Variants in DUSP22 observed in about 807,000 individuals in gnomAD.
The protein encoded by DUSP22 is dual specificity phosphatase 22.
In DUSP22, 24 loss-of-function variants were observed where a neutral mutation model predicts 24.5. The ratio of observed to expected loss-of-function variants is 0.98; its 90% confidence interval spans 0.71 to 1.38. The LOEUF (loss-of-function observed/expected upper bound fraction) is 1.38. DUSP22 is among the 40% of genes most tolerant of loss of function. The probability of loss-of-function intolerance (pLI) is 0.00; values close to 1 mark genes in which losing one functional copy is unlikely to be tolerated. For missense variants in DUSP22, 330 were observed against 269.2 expected (o/e 1.23, Z -1.58); for synonymous variants, 160 against 106.4 (o/e 1.50, Z -3.10).
At chr6:334,946 A>G (rs1360829894) in intron 3 of DUSP22, among the ~76,000 whole-genome samples, 168 bp from the exon 4 acceptor site, 1 of 152,304 alleles carries the variant, frequency 6.6e-6, no homozygotes, top group Non-Finnish European at 1.5e-5. Context: ...GAAAATAACC[A>G]GGAACTTTAA....
At chr6:294,501 G>C (rs1757238623) in intron 1 of DUSP22, among the ~76,000 whole-genome samples, 1 of 152,226 alleles carries the variant, frequency 6.6e-6, no homozygotes. Context: ...AAATAAACCG[G>C]TGAAATTAAT....
chr6:346,561 G>T (rs1759887221), intron 5 of DUSP22, among the ~76,000 whole-genome samples: 1 of 152,304 alleles, frequency 6.6e-6, no homozygotes, highest in Non-Finnish European at 1.5e-5. Flanking sequence ...AAGTGGGATG[G>T]CATTTTTATG....
chr6:300,200 C>T (rs1216047505), intron 1 of DUSP22, among the ~76,000 whole-genome samples: 2 of 152,304 alleles, frequency 1.3e-5, no homozygotes, highest in African/African-American at 4.8e-5. Context: ...TTTGGGGGCC[C>T]TGGCCTGCGT....
intron 4 of DUSP22, among the ~76,000 whole-genome samples, chr6:344,616 C>A (rs1460260401): frequency 6.6e-6 from 1 of 152,296 alleles, no homozygotes; most frequent in Non-Finnish European, 1.5e-5. Flanking sequence ...GTTTGCAGAG[C>A]ATATTGGCAT....
chr6:304,321 G>A (rs1025291513), intron 1 of DUSP22, among the ~76,000 whole-genome samples: 7 of 152,310 alleles, frequency 4.6e-5, no homozygotes, highest in South Asian at 2.1e-4. Flanking sequence ...CGCCAGGGCT[G>A]TGGGGCCAGG....
chr6:348,282 G>A lies in DUSP22; in HGVS notation c.435+8G>A. 1 of 1,614,150 alleles carries A rather than the reference G, an allele frequency of 6.2e-7. No individual in the cohort carries two copies. Among genetic ancestry groups the A allele is most frequent in the Non-Finnish European group, 8.5e-7 (1 of 1,179,966 alleles). Reference sequence around the variant, plus strand: ...AAGCATGAGGTCCATCAGGTAAGCAGTTCTTAGGGGACATCAGAGATGCAG... The same window carrying A: ...AAGCATGAGGTCCATCAGGTAAGCAATTCTTAGGGGACATCAGAGATGCAG... On this transcript the variant is annotated splice_region_variant and intron_variant, in intron 6 of 6. Coordinates refer to ENST00000419235, the MANE Select transcript of DUSP22 (RefSeq NM_001286555.3).
At chr6:348,316 C>T (rs1396511157) in intron 6 of DUSP22, 42 bp downstream of exon 6, 1 of 1,611,142 alleles carries the variant, frequency 6.2e-7, no homozygotes, top group Non-Finnish European at 8.5e-7. Context: ...AGGCAGGTGC[C>T]CCTGAACGGT....
chr6:296,312 C>T (rs1040806181), intron 1 of DUSP22, among the ~76,000 whole-genome samples: 2 of 152,292 alleles, frequency 1.3e-5, no homozygotes, highest in Non-Finnish European at 2.9e-5. Flanking sequence ...TAAGCCACAA[C>T]TCCATGAAGT....
At chr6:313,515 A>G (rs1319898679) in intron 3 of DUSP22, among the ~76,000 whole-genome samples, 1 of 152,304 alleles carries the variant, frequency 6.6e-6, no homozygotes, top group African/African-American at 2.4e-5. Context: ...TCCCGACACA[A>G]CACACTACAC....
Position 349,281 on chromosome 6 carries a change from G to A in DUSP22, c.*330G>A. The A allele has an allele frequency of 3.1e-6, 4 of 1,287,608 alleles. No homozygotes were observed. The highest frequency in any genetic ancestry group is 3.0e-6 in the Non-Finnish European group (3 of 1,009,516). The allele number at this position is 1,287,608 out of a possible 1,614,324, so 79.8% of individuals were successfully genotyped here. On this transcript the variant is annotated 3_prime_UTR_variant, in exon 7 of 7. Transcript: ENST00000419235. ...TGTGCCTGTGTGAGTGAGGGTATGT[G>A]CACCTAAGTGTGTACATGTGTGTAT...
intron 3 of DUSP22, among the ~76,000 whole-genome samples, chr6:326,610 A>AT (rs1290307779): frequency 1.3e-5 from 2 of 152,294 alleles, no homozygotes; most frequent in Admixed American, 6.5e-5. Context: ...GCAGTGCTGT[A>AT]TCTGCTGGTA....
At chr6:310,303 A>G (rs1214318223) in intron 2 of DUSP22, among the ~76,000 whole-genome samples, 1 of 152,294 alleles carries the variant, frequency 6.6e-6, no homozygotes, top group African/African-American at 2.4e-5. Context: ...ATCATTTAGG[A>G]AAGTTCAGCC....
rs2127423389 is a variant in DUSP22, at chr6:348,159, C to G, written c.320C>G (p.Thr107Ser). ...GTGATCGCATACATCATGACCGTCA[C>G]TGACTTTGGCTGGGAGGATGCCCTG... Reference protein sequence around the residue: ...TLVIAYIMTVTDFGWEDALHT... With the variant: ...TLVIAYIMTVSDFGWEDALHT... Residue 107 changes from threonine to serine, a missense_variant, in exon 6 of 7, where the codon ACT becomes AGT. Coordinates refer to ENST00000419235, the MANE Select transcript of DUSP22 (RefSeq NM_001286555.3). 6.2e-7 allele frequency: 1 copy of G among 1,614,310 alleles called. No homozygotes were observed. The highest frequency in any genetic ancestry group is 8.5e-7 in the Non-Finnish European group (1 of 1,180,060).
intron 4 of DUSP22, among the ~76,000 whole-genome samples, chr6:342,890 G>T (rs1198250748): frequency 2.0e-5 from 3 of 152,310 alleles, no homozygotes; most frequent in Admixed American, 2.0e-4. Context: ...GACATGTCTT[G>T]TCCGGTTCCA....
chr6:310,711 T>G (rs1181579398), intron 2 of DUSP22, among the ~76,000 whole-genome samples: 4 of 152,294 alleles, frequency 2.6e-5, no homozygotes, highest in African/African-American at 9.6e-5. Flanking sequence ...AGAATTCTCA[T>G]CATTAAGAGG....
chr6:294,578 G>A (rs983585292), intron 1 of DUSP22, among the ~76,000 whole-genome samples: 71 of 152,362 alleles, frequency 4.7e-4, no homozygotes, highest in African/African-American at 1.6e-3. Context: ...AATATATAAA[G>A]TTATTCATGG....
intron 2 of DUSP22, among the ~76,000 whole-genome samples, chr6:309,659 C>T (rs1418911097): frequency 6.6e-6 from 1 of 151,870 alleles, no homozygotes; most frequent in African/African-American, 2.4e-5. Flanking sequence ...GGGTGTTAAA[C>T]TTCAGAGCCA....
intron 4 of DUSP22, among the ~76,000 whole-genome samples, chr6:340,741 G>C (rs1178053895): frequency 6.6e-6 from 1 of 152,302 alleles, no homozygotes. Flanking sequence ...TTTTAGGGTA[G>C]GGCCAGCTGC....
chr6:325,004 G>A (rs1203833463), intron 3 of DUSP22, among the ~76,000 whole-genome samples: 1 of 152,310 alleles, frequency 6.6e-6, no homozygotes, highest in Non-Finnish European at 1.5e-5. Context: ...GGCTGGCTCA[G>A]GGAGATAGGT....
Sources: gnomAD v4.1 joint callset for allele counts (sites outside exome capture counted in the v4.1 genomes callset) on GRCh38, gnomAD v4.1.1 for gene constraint, MANE v1.5 for transcripts, NCBI Gene and HGNC (gene_info 2026-07-23, HGNC 2026-07-21) for gene names.